The following SORBS2 variants were observed in gnomAD, a reference collection of about 807,000 sequenced individuals.
The protein encoded by SORBS2 is sorbin and SH3 domain-containing protein 2.
A neutral mutation model predicts 97.7 loss-of-function variants in SORBS2; 46 were observed. The observed-to-expected ratio is 0.47, with a 90% CI of 0.37 to 0.60. The LOEUF (loss-of-function observed/expected upper bound fraction) is 0.60. Ranked by LOEUF, SORBS2 falls within the 20% of genes least tolerant of loss-of-function variation. SORBS2 has a pLI of 0.00. For synonymous variants in SORBS2, 476 were observed against 473.4 expected (o/e 1.01, Z -0.07); for missense variants, 1,316 against 1,282.3 (o/e 1.03, Z -0.40).
intron 1 of SORBS2, among the ~76,000 whole-genome samples, chr4:185,936,854 T>TGCACG (rs1349328803): frequency 6.6e-6 from 1 of 152,220 alleles, no homozygotes; most frequent in Non-Finnish European, 1.5e-5. Context: ...CAGCACAGCA[T>TGCACG]GCACGGCACG....
upstream of SORBS2, among the ~76,000 whole-genome samples, chr4:185,659,472 A>T (rs891474095): frequency 6.6e-6 from 1 of 151,786 alleles, no homozygotes; most frequent in South Asian, 2.1e-4. Flanking sequence ...GCTGGAGTGC[A>T]GTGGCGCGAT....
intron 1 of SORBS2, among the ~76,000 whole-genome samples, chr4:185,797,139 G>A (rs561398189): frequency 4.9e-4 from 75 of 152,308 alleles, no homozygotes; most frequent in Middle Eastern, 3.4e-3. Context: ...CTCTAGCAAC[G>A]CAGGACCACA....
At position 185,606,589 on chromosome 4, in the gene SORBS2, T is replaced by C; in HGVS notation, c.2796+5191A>G. On this transcript the variant is annotated intron_variant, in intron 12 of 14. Coordinates refer to ENST00000418609, the Ensembl canonical transcript of SORBS2. This position sits in a 1 kb window ranked among gnomAD's most constrained non-coding sequence, Gnocchi z 4.3. ...AATCAGACAAAATTAAAATACCTCA[T>C]TACTGGGTTTTGCTGCATTGCTGTC... 2 of 985,374 alleles carry C rather than the reference T, an allele frequency of 2.0e-6. No individual in the cohort carries two copies. The highest frequency in any genetic ancestry group is 2.4e-6 in the Non-Finnish European group (2 of 829,908). 61.0% of individuals were successfully genotyped at this position (985,374 alleles called of 1,614,324 possible). A position where few individuals can be genotyped will look rare whatever the true frequency, so the allele number is the denominator to read the frequency against.
At chr4:185,838,348 G>C (rs1480811430) in intron 1 of SORBS2, among the ~76,000 whole-genome samples, 2 of 152,224 alleles carry the variant, frequency 1.3e-5, no homozygotes, top group African/African-American at 4.8e-5. Flanking sequence ...TCCCCTGGGG[G>C]CTTGGGCAGG....
At chr4:185,878,217 T>C in intron 1 of SORBS2, among the ~76,000 whole-genome samples, 1 of 152,184 alleles carries the variant, frequency 6.6e-6, no homozygotes. Flanking sequence ...GTATACCAGA[T>C]AAGTGTTTTT....
At position 185,692,582 on chromosome 4, in the gene SORBS2, G is replaced by C. The variant is rs894457829; in HGVS notation, c.-197-13760C>G. 2.6e-5 allele frequency among the ~76,000 whole-genome samples: 4 copies of C among 152,050 alleles called. No individual in the cohort carries two copies. The South Asian group carries it at 8.3e-4, about 32-fold the overall frequency. Reference sequence around the variant, plus strand: ...GGAGTTCACCTCTTTTGGAAAGCCTGGCTTTGTTCATTACTGATGAAAAAT... The same window carrying C: ...GGAGTTCACCTCTTTTGGAAAGCCTCGCTTTGTTCATTACTGATGAAAAAT... On this transcript the variant is annotated intron_variant, in intron 2 of 20. Transcript: ENST00000284776.
intron 1 of SORBS2, among the ~76,000 whole-genome samples, chr4:185,842,718 T>C (rs751798204): frequency 1.3e-5 from 2 of 152,042 alleles, no homozygotes; most frequent in Non-Finnish European, 2.9e-5. Flanking sequence ...AGGCGGATCA[T>C]GAGTTCAGGA....
At chr4:185,658,619 T>C (rs1271588137), upstream of SORBS2, among the ~76,000 whole-genome samples, 1 of 152,068 alleles carries the variant, frequency 6.6e-6, no homozygotes, top group Non-Finnish European at 1.5e-5. Context: ...GACTCATTGA[T>C]ATCATTATGT....
At chr4:185,881,235 A>T (rs2099236710) in intron 1 of SORBS2, among the ~76,000 whole-genome samples, 1 of 152,212 alleles carries the variant, frequency 6.6e-6, no homozygotes, top group South Asian at 2.1e-4. Context: ...CATTAGAGAC[A>T]GCAATCAACA....
chr4:185,908,179 T>A (rs1186084609), intron 1 of SORBS2, among the ~76,000 whole-genome samples: 3 of 151,416 alleles, frequency 2.0e-5, no homozygotes, highest in Non-Finnish European at 4.4e-5. Flanking sequence ...CTACCTGACC[T>A]GGCTCCCATC....
chr4:185,594,418 G>C (rs1246200942), intron 12 of SORBS2, among the ~76,000 whole-genome samples: 3 of 152,134 alleles, frequency 2.0e-5, no homozygotes, highest in Non-Finnish European at 4.4e-5. Context: ...CAGCACAGAG[G>C]AAAATATCAA....
intron 7 of SORBS2, among the ~76,000 whole-genome samples, chr4:185,622,444 C>G (rs1305880438): frequency 1.3e-5 from 2 of 152,160 alleles, no homozygotes; most frequent in Admixed American, 6.5e-5. Context: ...TCACATATTT[C>G]AGTTTTGCTT....
At chr4:185,679,878 G>T (rs2153502427) in intron 2 of SORBS2, among the ~76,000 whole-genome samples, 1 of 152,324 alleles carries the variant, frequency 6.6e-6, no homozygotes, top group Non-Finnish European at 1.5e-5. Context: ...AATGGGCTGA[G>T]AAATGCGAGC....
intron 1 of SORBS2, among the ~76,000 whole-genome samples, chr4:185,780,007 A>ATTTTTT (rs538693770): frequency 1.5e-4 from 15 of 98,112 alleles, no homozygotes; most frequent in East Asian, 7.4e-4. Context: ...GTAGAGTAAC[A>ATTTTTT]TTTTTTTTTT....
At chr4:185,631,789 A>AAAAAC (rs779345172) in intron 4 of SORBS2, among the ~76,000 whole-genome samples, 62 of 137,592 alleles carry the variant, frequency 4.5e-4, no homozygotes, top group Non-Finnish European at 6.7e-4. Flanking sequence ...AAAACAACAA[A>AAAAAC]AAAACAAAAC....
At chr4:185,812,833 A>T (rs2099189080) in intron 1 of SORBS2, 1 of 152,222 alleles carries the variant, frequency 6.6e-6, no homozygotes, top group Admixed American at 6.5e-5. Flanking sequence ...ATTTTTAAAA[A>T]ATCCTATTGC....
intron 1 of SORBS2, among the ~76,000 whole-genome samples, chr4:185,916,894 A>C (rs913397405): frequency 1.3e-5 from 2 of 152,120 alleles, no homozygotes; most frequent in Middle Eastern, 3.2e-3. Flanking sequence ...TAATGAGCTG[A>C]CTCATGGCTG....
chr4:185,639,947 C>T (rs551626923), intron 4 of SORBS2, among the ~76,000 whole-genome samples: 1 of 152,212 alleles, frequency 6.6e-6, no homozygotes, highest in African/African-American at 2.4e-5. Context: ...TTCCATATTC[C>T]AACAAAAGCC....
chr4:185,897,421 C>A (rs1175636243), intron 1 of SORBS2, among the ~76,000 whole-genome samples: 1 of 152,200 alleles, frequency 6.6e-6, no homozygotes, highest in African/African-American at 2.4e-5. Flanking sequence ...TTCGTCCAAT[C>A]CTATGCCTAC....
Sources: gnomAD v4.1 joint callset for allele counts (sites outside exome capture counted in the v4.1 genomes callset) on GRCh38, gnomAD v4.1.1 for gene constraint, Gnocchi (gnomAD v3.1) non-coding constraint, MANE v1.5 for transcripts, NCBI Gene and HGNC (gene_info 2026-07-23, HGNC 2026-07-21) for gene names.